KCNH8: variants seen among roughly 807,000 people sequenced by gnomAD.
The protein encoded by KCNH8 is voltage-gated delayed rectifier potassium channel KCNH8.
Under a neutral mutation model 103.6 loss-of-function variants are expected in KCNH8, and 70 were observed. That is an observed-to-expected ratio of 0.68 (90% CI 0.56 to 0.82). KCNH8 has a LOEUF of 0.82. Among genes scored for constraint, KCNH8 ranks in the 40% least tolerant of loss-of-function variants. KCNH8 has a pLI of 0.00. For synonymous variants in KCNH8, 498 were observed against 489.4 expected, an observed-to-expected ratio of 1.02 and a Z score of -0.23; for missense variants, 1,217 against 1,329.9, an observed-to-expected ratio of 0.92 and a Z score of 1.32.
intron 2 of KCNH8, among the ~76,000 whole-genome samples, chr3:19,259,048 A>G (rs1310305711): frequency 1.4e-5 from 2 of 148,128 alleles, no homozygotes; most frequent in Non-Finnish European, 3.0e-5. Context: ...ATAGTAAAAA[A>G]GGAAATACAA....
chr3:19,415,164 T>C (rs946410679), intron 7 of KCNH8, among the ~76,000 whole-genome samples: 2 of 151,958 alleles, frequency 1.3e-5, no homozygotes, highest in Non-Finnish European at 2.9e-5. Flanking sequence ...ATGGTAATAA[T>C]AATAATAGCA....
intron 3 of KCNH8, among the ~76,000 whole-genome samples, chr3:19,308,698 CTCTCT>C (rs2065164749): frequency 1.3e-5 from 1 of 77,154 alleles, no homozygotes; most frequent in Admixed American, 1.3e-4. Context: ...CTCTCTCTCT[CTCTCT>C]CTCTCTCTCT....
chr3:19,451,143 C>A lies in KCNH8; in HGVS notation c.1576-12C>A. ...ACCCCAATTTGATTTCCTCCTTCATCTTCTCTGACAGCTTTTGAAAGACTT... is the reference window on the plus strand; with the variant it reads ...ACCCCAATTTGATTTCCTCCTTCATATTCTCTGACAGCTTTTGAAAGACTT... On this transcript the variant is annotated splice_polypyrimidine_tract_variant and intron_variant, in intron 9 of 15. Coordinates refer to ENST00000328405, the MANE Select transcript of KCNH8 (RefSeq NM_144633.3). 6.2e-7 allele frequency: 1 copy of A among 1,613,090 alleles called. No individual in the cohort carries two copies. The highest frequency in any genetic ancestry group is 1.1e-5 in the South Asian group (1 of 91,050).
At chr3:19,310,182 A>G (rs1035388317) in intron 3 of KCNH8, among the ~76,000 whole-genome samples, 10 of 151,976 alleles carry the variant, frequency 6.6e-5, no homozygotes, top group African/African-American at 2.4e-4. Context: ...AACAATCAGC[A>G]TACTGATTAC....
intron 7 of KCNH8, among the ~76,000 whole-genome samples, chr3:19,429,322 C>T (rs1201295287): frequency 6.6e-6 from 1 of 151,870 alleles, no homozygotes; most frequent in African/African-American, 2.4e-5. Context: ...TACAGGTGCC[C>T]GCCACTACAT....
intron 10 of KCNH8, among the ~76,000 whole-genome samples, chr3:19,454,704 G>A (rs1299119737): frequency 4.6e-5 from 7 of 152,046 alleles, no homozygotes; most frequent in Non-Finnish European, 7.4e-5. Flanking sequence ...ACTTACGGCT[G>A]AAAGACTTAA....
At chr3:19,450,406 C>G (rs920271710) in intron 9 of KCNH8, 101 bp downstream of exon 9, 2 of 860,660 alleles carry the variant, frequency 2.3e-6, no homozygotes, top group African/African-American at 3.4e-5. Flanking sequence ...AGCATACCAA[C>G]TTCTTTATTC....
At chr3:19,408,008 C>T (rs1358726148) in intron 7 of KCNH8, among the ~76,000 whole-genome samples, 1 of 152,108 alleles carries the variant, frequency 6.6e-6, no homozygotes, top group Admixed American at 6.6e-5. Flanking sequence ...CCCTTCATGG[C>T]TCCCACCCCT....
chr3:19,171,710 T>C (rs2063350471), intron 1 of KCNH8, among the ~76,000 whole-genome samples: 1 of 151,832 alleles, frequency 6.6e-6, no homozygotes. Flanking sequence ...GGAAATGTGC[T>C]AATTACCTTC....
intron 1 of KCNH8, among the ~76,000 whole-genome samples, chr3:19,240,654 C>T (rs2064128208): frequency 1.3e-5 from 2 of 151,198 alleles, no homozygotes; most frequent in South Asian, 4.2e-4. Context: ...ATCTATTCAA[C>T]TGCATACTTT....
chr3:19,465,161 A>C (rs2067710310), intron 11 of KCNH8, among the ~76,000 whole-genome samples: 1 of 152,206 alleles, frequency 6.6e-6, no homozygotes, highest in Non-Finnish European at 1.5e-5. Flanking sequence ...ATAGCTAGAG[A>C]AGTCAGTGCC....
intron 7 of KCNH8, among the ~76,000 whole-genome samples, chr3:19,406,711 G>A (rs982765244): frequency 6.6e-6 from 1 of 152,026 alleles, no homozygotes; most frequent in Non-Finnish European, 1.5e-5. Context: ...TAGATGCACA[G>A]GATGTTAGCA....
chr3:19,330,396 G>A (rs571675123), intron 3 of KCNH8, among the ~76,000 whole-genome samples: 2 of 152,220 alleles, frequency 1.3e-5, no homozygotes, highest in East Asian at 1.9e-4. Context: ...TCTAGACGAA[G>A]TCAGAAATTG....
intron 3 of KCNH8, among the ~76,000 whole-genome samples, chr3:19,296,019 G>A (rs895751887): frequency 6.6e-6 from 1 of 152,084 alleles, no homozygotes; most frequent in African/African-American, 2.4e-5. Context: ...GAGTCACTAT[G>A]TATCAATCCT....
At chr3:19,280,115 G>T (rs890308226) in intron 2 of KCNH8, among the ~76,000 whole-genome samples, 2 of 152,036 alleles carry the variant, frequency 1.3e-5, no homozygotes, top group African/African-American at 4.8e-5. Flanking sequence ...TACAGTGCAA[G>T]ATTTTTTTAC....
intron 5 of KCNH8, among the ~76,000 whole-genome samples, chr3:19,368,980 A>G (rs1198358644): frequency 6.6e-6 from 1 of 151,994 alleles, no homozygotes; most frequent in Non-Finnish European, 1.5e-5. Flanking sequence ...ATCTCTTAAT[A>G]TTTGTAAGAC....
intron 1 of KCNH8, among the ~76,000 whole-genome samples, chr3:19,230,089 C>A (rs1431624575): frequency 1.3e-5 from 2 of 152,110 alleles, no homozygotes; most frequent in East Asian, 1.9e-4. Flanking sequence ...AAAGGGGAAA[C>A]CCATGATAAA....
At chr3:19,425,746 T>C (rs566253347) in intron 7 of KCNH8, among the ~76,000 whole-genome samples, 12 of 152,356 alleles carry the variant, frequency 7.9e-5, no homozygotes, top group Admixed American at 2.6e-4. Context: ...ACATTAACTG[T>C]ATTCAGTTCA....
chr3:19,494,908 C>G (rs1016770695), intron 11 of KCNH8, among the ~76,000 whole-genome samples: 1 of 152,044 alleles, frequency 6.6e-6, no homozygotes, highest in Admixed American at 6.6e-5. Flanking sequence ...CTGTGAAATA[C>G]TATTTCATTG....
Sources: allele counts gnomAD v4.1 joint callset (sites outside exome capture counted in the v4.1 genomes callset), GRCh38; gene constraint gnomAD v4.1.1; transcripts MANE v1.5; gene names NCBI Gene and HGNC (gene_info 2026-07-23, HGNC 2026-07-21).